The following WWTR1 variants were observed in gnomAD, a reference collection of about 807,000 sequenced individuals.
The protein encoded by WWTR1 is WW domain-containing transcription regulator protein 1.
In WWTR1, 13 loss-of-function variants were observed where a neutral mutation model predicts 40.1. That is an observed-to-expected ratio of 0.32 (90% CI 0.21 to 0.52). The LOEUF (loss-of-function observed/expected upper bound fraction) is 0.52. Ranked by LOEUF, WWTR1 falls within the 20% of genes least tolerant of loss-of-function variation. WWTR1 has a pLI of 0.97. For synonymous variants in WWTR1, 230 were observed against 210.1 expected (o/e 1.09, Z -0.82); for missense variants, 436 against 523.1 (o/e 0.83, Z 1.63).
chr3:149,651,992 A>ATTTTTTTTTTTTTTTTTTTTT (rs368845286), intron 2 of WWTR1, among the ~76,000 whole-genome samples: 3 of 93,704 alleles, frequency 3.2e-5, no homozygotes, highest in Non-Finnish European at 4.0e-5. Flanking sequence ...CGCCCGGCTA[A>ATTTTTTTTTTTTTTTTTTTTT]TTTTTTTTTT....
At chr3:149,686,234 G>A (rs532461132) in intron 1 of WWTR1, among the ~76,000 whole-genome samples, 4 of 152,252 alleles carry the variant, frequency 2.6e-5, no homozygotes, top group South Asian at 2.1e-4. Flanking sequence ...TGGAGTATTC[G>A]AGCTTGGTTT....
At chr3:149,585,225 C>G (rs1201967322) in intron 2 of WWTR1, among the ~76,000 whole-genome samples, 1 of 151,752 alleles carries the variant, frequency 6.6e-6, no homozygotes, top group Non-Finnish European at 1.5e-5. Flanking sequence ...CTTCACTTCC[C>G]AGGTTCAAGT....
rs1560056502 is a variant in WWTR1, at chr3:149,552,330, ACT to A, written c.569-9795_569-9794del. 9.2e-5 allele frequency among the ~76,000 whole-genome samples: 10 copies of A among 109,168 alleles called. 1 individual carries two copies. Among genetic ancestry groups the A allele is most frequent in the East Asian group, 2.9e-4 (1 of 3,478 alleles). 71.6% of individuals were successfully genotyped at this position (109,168 alleles called of 152,430 possible). A position where few individuals can be genotyped will look rare whatever the true frequency, so the allele number is the denominator to read the frequency against. ...AATCTGATTAAGGCACAGAGTAGGC[ACT>A]AAATACATTCTCCCCAAAGTAAGGT... On this transcript the variant is annotated intron_variant, in intron 3 of 6. Coordinates refer to ENST00000360632, the MANE Select transcript of WWTR1 (RefSeq NM_015472.6).
intron 4 of WWTR1, among the ~76,000 whole-genome samples, chr3:149,537,471 G>C (rs1269035205): frequency 6.6e-6 from 1 of 152,180 alleles, no homozygotes; most frequent in Non-Finnish European, 1.5e-5. Flanking sequence ...ACTCTTTCTA[G>C]GTAAGAGTAT....
chr3:149,681,775 T>C (rs755468842), intron 1 of WWTR1, among the ~76,000 whole-genome samples: 22 of 152,182 alleles, frequency 1.4e-4, no homozygotes, highest in Admixed American at 7.2e-4. Flanking sequence ...TGTGACAACA[T>C]AGATGAAACT....
intron 5 of WWTR1, among the ~76,000 whole-genome samples, chr3:149,714,412 C>T (rs1715550777): frequency 6.6e-6 from 1 of 152,206 alleles, no homozygotes; most frequent in African/African-American, 2.4e-5. Context: ...AGTGTCTAGC[C>T]TCTCCCCGCT....
intron 5 of WWTR1, among the ~76,000 whole-genome samples, chr3:149,709,114 A>C (rs1049976475): frequency 1.3e-5 from 2 of 151,952 alleles, no homozygotes; most frequent in African/African-American, 4.8e-5. Flanking sequence ...TACTGGGACT[A>C]TGGGCACGTG....
At chr3:149,565,810 C>T (rs373575199) in intron 3 of WWTR1, among the ~76,000 whole-genome samples, 11 of 150,904 alleles carry the variant, frequency 7.3e-5, no homozygotes, top group African/African-American at 2.7e-4. Context: ...ACTTGGGAGG[C>T]TGAGGCAGGA....
upstream of WWTR1, among the ~76,000 whole-genome samples, chr3:149,707,856 A>G (rs1458693699): frequency 1.3e-5 from 2 of 152,120 alleles, no homozygotes; most frequent in Admixed American, 1.3e-4. Flanking sequence ...CTTTCTGGGG[A>G]AAATTTGGTC....
intron 2 of WWTR1, 59 bp from the exon 3 acceptor site, chr3:149,573,059 C>T (rs1186594374): frequency 2.7e-6 from 4 of 1,480,154 alleles, no homozygotes; most frequent in Non-Finnish European, 3.7e-6. Flanking sequence ...ATCATCATCA[C>T]CAACAACAGC....
At chr3:149,540,238 C>G (rs770263492) in intron 4 of WWTR1, 3 of 456,682 alleles carry the variant, frequency 6.6e-6, no homozygotes, top group Middle Eastern at 6.5e-4. Flanking sequence ...CAACGCCCCA[C>G]GTTCCACAGC....
intron 3 of WWTR1, among the ~76,000 whole-genome samples, chr3:149,555,717 T>C (rs1736797424): frequency 6.6e-6 from 1 of 152,158 alleles, no homozygotes; most frequent in Non-Finnish European, 1.5e-5. Flanking sequence ...TAGATGATTT[T>C]TTTTCTTTCC....
At chr3:149,716,686 AT>A (rs1218472595) in intron 5 of WWTR1, among the ~76,000 whole-genome samples, 1 of 152,132 alleles carries the variant, frequency 6.6e-6, no homozygotes, top group Non-Finnish European at 1.5e-5. Flanking sequence ...GTCATATTTT[AT>A]TTTTTAAATT....
intron 3 of WWTR1, among the ~76,000 whole-genome samples, chr3:149,568,818 G>C (rs949770972): frequency 6.6e-6 from 1 of 152,208 alleles, no homozygotes; most frequent in Non-Finnish European, 1.5e-5. Context: ...CCAGGCTGGA[G>C]TGCAGTGGCG....
intron 3 of WWTR1, among the ~76,000 whole-genome samples, chr3:149,558,094 C>T (rs1368997109): frequency 1.3e-5 from 2 of 151,440 alleles, no homozygotes; most frequent in African/African-American, 2.4e-5. Context: ...TTTAAAACTA[C>T]TCGTGTGTCA....
chr3:149,583,636 G>A (rs924000892), intron 2 of WWTR1, among the ~76,000 whole-genome samples: 2 of 152,180 alleles, frequency 1.3e-5, no homozygotes, highest in African/African-American at 4.8e-5. Context: ...TTCTTCCAGG[G>A]TTAGAATATG....
chr3:149,664,108 T>G (rs1233882097), intron 2 of WWTR1, among the ~76,000 whole-genome samples: 1 of 152,234 alleles, frequency 6.6e-6, no homozygotes, highest in African/African-American at 2.4e-5. Context: ...CAAAGGTGTA[T>G]GGTTAGAAAC....
intron 1 of WWTR1, among the ~76,000 whole-genome samples, chr3:149,698,663 C>G (rs984736975): frequency 2.6e-5 from 4 of 152,246 alleles, no homozygotes; most frequent in African/African-American, 9.6e-5. Flanking sequence ...CCTGGACACC[C>G]AGGCTTTTCC....
chr3:149,540,535 A>G (rs1411070184), intron 4 of WWTR1, among the ~76,000 whole-genome samples: 2 of 152,262 alleles, frequency 1.3e-5, no homozygotes, highest in Admixed American at 6.5e-5. Context: ...CTGAGAATGT[A>G]TAAAATGCTG....
Sources: gnomAD v4.1 joint callset for allele counts (sites outside exome capture counted in the v4.1 genomes callset) on GRCh38, gnomAD v4.1.1 for gene constraint, MANE v1.5 for transcripts, NCBI Gene and HGNC (gene_info 2026-07-23, HGNC 2026-07-21) for gene names.